The following UNC13C variants were observed in gnomAD, a reference collection of about 807,000 sequenced individuals.
UNC13C encodes the protein protein unc-13 homolog C.
UNC13C carries 174 observed loss-of-function variants against 245.4 expected under a neutral mutation model. The observed-to-expected ratio is 0.71, with a 90% CI of 0.63 to 0.80. UNC13C has a LOEUF of 0.80. Ranked by LOEUF, UNC13C falls within the 30% of genes least tolerant of loss-of-function variation. The pLI is 0.00. For missense variants in UNC13C, 2,829 were observed against 2,602.9 expected (o/e 1.09, Z -1.89); for synonymous variants, 992 against 895.1 (o/e 1.11, Z -1.93).
rs113273918 is a variant in UNC13C, at chr15:54,433,793, T to C, written c.4933+18726T>C. Among the ~76,000 whole-genome samples the C allele has an allele frequency of 7.2e-3, 1,090 of 152,196 alleles. 9 individuals are homozygous for C. The highest frequency in any genetic ancestry group is 0.01 in the Non-Finnish European group (709 of 67,982). The stretch of plus-strand genomic sequence containing the variant: ...CAAATAGGAAGAGAGAAAGTCAAGT[T>C]GTCTCTGCTTGCAGATGACATGATT... On this transcript the variant is annotated intron_variant, in intron 19 of 32. Transcript: ENST00000260323.
intron 17 of UNC13C, among the ~76,000 whole-genome samples, chr15:54,386,249 TG>T (rs1244141216): frequency 6.6e-6 from 1 of 152,196 alleles, no homozygotes; most frequent in Non-Finnish European, 1.5e-5. Flanking sequence ...ATGATGATAA[TG>T]GTATTTGACT....
intron 2 of UNC13C, among the ~76,000 whole-genome samples, chr15:54,047,648 C>T (rs542875634): frequency 2.0e-5 from 3 of 152,168 alleles, no homozygotes; most frequent in South Asian, 2.1e-4. Context: ...TATCCATTCA[C>T]GATAGATATT....
chr15:54,488,837 T>G (rs1403886964), intron 19 of UNC13C, among the ~76,000 whole-genome samples: 2 of 152,328 alleles, frequency 1.3e-5, no homozygotes, highest in African/African-American at 4.8e-5. Context: ...ATTAAATGTT[T>G]TATTTTGTAA....
At chr15:53,934,081 C>G in the UNC13C span, among the ~76,000 whole-genome samples, 1 of 152,222 alleles carries the variant, frequency 6.6e-6, no homozygotes, top group East Asian at 1.9e-4. Context: ...CAGCATATTA[C>G]ATTGCAAGAG....
rs748319447 is a variant in UNC13C, at chr15:54,237,696, TACTAGATATTGCTCATAATATCTA to T, written c.3228+26_3228+49del. ...CCCTAAATAATGAGGAACTGGTAAG[TACTAGATATTGCTCATAATATCTA>T]ACTAGATATTGCTCATAATCACAAG... On this transcript the variant is annotated splice_region_variant and intron_variant, in intron 7 of 32. Transcript: ENST00000260323. The T allele has an allele frequency of 6.9e-6, 11 of 1,600,218 alleles. No homozygotes were observed. The highest frequency in any genetic ancestry group is 3.4e-5 in the Admixed American group (2 of 59,062).
intron 16 of UNC13C, 21 bp downstream of exon 16, chr15:54,333,877 C>T: frequency 6.5e-7 from 1 of 1,550,310 alleles, no homozygotes; most frequent in Non-Finnish European, 8.8e-7. Flanking sequence ...TTATTTCTGT[C>T]ACTGTTTTGT....
chr15:54,303,294 A>T (rs2037636055), intron 13 of UNC13C, among the ~76,000 whole-genome samples: 2 of 152,314 alleles, frequency 1.3e-5, no homozygotes, highest in African/African-American at 2.4e-5. Flanking sequence ...AGCACAATTA[A>T]AATGCAAGTA....
chr15:53,855,638 A>C, the UNC13C span, among the ~76,000 whole-genome samples: 1 of 151,664 alleles, frequency 6.6e-6, no homozygotes, highest in South Asian at 2.1e-4. Flanking sequence ...GCACCCTAGG[A>C]ATGAATGATC....
Position 54,182,437 on chromosome 15 carries a change from A to C in UNC13C, c.3071+38753A>C, listed in dbSNP as rs142349963. ...GATATGCTGTTAAATTCAGTTTGTT[A>C]GTATTTTGTTGAGGGATATTGGTCT... On this transcript the variant is annotated intron_variant, in intron 4 of 32. Coordinates refer to ENST00000260323, the MANE Select transcript of UNC13C (RefSeq NM_001080534.3). Among the ~76,000 whole-genome samples, 548 of 152,074 alleles carry C rather than the reference A, an allele frequency of 3.6e-3. 6 individuals carry two copies. Among genetic ancestry groups the C allele is most frequent in the African/African-American group, 0.013 (537 of 41,542 alleles).
intron 20 of UNC13C, 23 bp downstream of exon 20, chr15:54,494,757 A>G (rs751698325): frequency 1.9e-6 from 3 of 1,603,350 alleles, no homozygotes; most frequent in Non-Finnish European, 2.6e-6. Flanking sequence ...TTTAACACAC[A>G]CACCCTCAGA....
rs374833103 is a variant in UNC13C, at chr15:54,014,658, G to A, written c.1755G>A (p.Glu585=). 6.9e-5 allele frequency: 112 copies of A among 1,613,594 alleles called. 1 individual carries two copies. The highest frequency in any genetic ancestry group is 8.8e-5 in the Non-Finnish European group (104 of 1,179,810). ...CTCTCCTGTCATCTTCGGACCGGGA[G>A]CTATGGCAGAGGAAACAGGAAGGAA... ...GSSLLSSSDR[E]LWQRKQEGTA... Residue 585 remains glutamate, a synonymous_variant, in exon 2 of 33, where the codon GAG becomes GAA. Transcript: ENST00000260323.
intron 19 of UNC13C, among the ~76,000 whole-genome samples, chr15:54,444,439 T>G (rs1161231933): frequency 6.6e-6 from 1 of 151,896 alleles, no homozygotes; most frequent in Non-Finnish European, 1.5e-5. Flanking sequence ...AGTGATCTTT[T>G]GTAGGCATGA....
chr15:54,447,589 G>A (rs1238825966), intron 19 of UNC13C, among the ~76,000 whole-genome samples: 2 of 152,166 alleles, frequency 1.3e-5, no homozygotes, highest in South Asian at 4.1e-4. Flanking sequence ...TCTGATGGTA[G>A]TTTGTATTTC....
At chr15:54,028,431 C>T (rs1190821567) in intron 2 of UNC13C, among the ~76,000 whole-genome samples, 6 of 152,136 alleles carry the variant, frequency 3.9e-5, no homozygotes, top group East Asian at 1.9e-4. Context: ...TAATCCATCA[C>T]GTCTCAGCAT....
chr15:54,599,043 TAATC>T (rs1156918862), intron 30 of UNC13C, among the ~76,000 whole-genome samples: 6 of 152,198 alleles, frequency 3.9e-5, no homozygotes, highest in Admixed American at 6.5e-5. Context: ...TTTCTCATAA[TAATC>T]AAACATTTCA....
chr15:54,024,048 GC>G (rs1309890853), intron 2 of UNC13C, among the ~76,000 whole-genome samples: 2 of 152,156 alleles, frequency 1.3e-5, no homozygotes, highest in Non-Finnish European at 2.9e-5. Flanking sequence ...GCAAAGGATA[GC>G]CTAATCAATT....
intron 4 of UNC13C, among the ~76,000 whole-genome samples, chr15:54,226,214 T>C (rs1596039828): frequency 1.3e-5 from 2 of 152,342 alleles, no homozygotes; most frequent in African/African-American, 4.8e-5. Flanking sequence ...CAGCATTTTA[T>C]TGAGGATTTT....
chr15:54,555,457 G>A lies in UNC13C; in HGVS notation c.5903G>A (p.Arg1968Lys). The change falls in exon 29 of 33, where the codon AGG (arginine) becomes AAG (lysine). Residue 1968 changes from arginine (R) to lysine (K), a missense_variant. Physicochemically the swap from Arg to Lys is conservative, Grantham distance 26. Transcript: ENST00000260323. The stretch of plus-strand genomic sequence containing the variant: ...GAGCACATGATTCGAGAGGATGCCA[G>A]GGGTCTGACGCCAAGACAATGCGCT... Reference protein sequence around the residue: ...LKEHMIREDARGLTPRQCAIM... With the variant: ...LKEHMIREDAKGLTPRQCAIM... 1 of 1,612,384 alleles carries A rather than the reference G, an allele frequency of 6.2e-7. No homozygotes were observed. The highest frequency in any genetic ancestry group is 8.5e-7 in the Non-Finnish European group (1 of 1,179,018).
intron 18 of UNC13C, among the ~76,000 whole-genome samples, chr15:54,398,110 C>T (rs2040108288): frequency 6.6e-6 from 1 of 151,250 alleles, no homozygotes; most frequent in South Asian, 2.1e-4. Flanking sequence ...AATGCTTTAT[C>T]AAGTTGAGGA....
Sources: gnomAD v4.1 joint callset for allele counts (sites outside exome capture counted in the v4.1 genomes callset) on GRCh38, gnomAD v4.1.1 for gene constraint, MANE v1.5 for transcripts, NCBI Gene and HGNC (gene_info 2026-07-23, HGNC 2026-07-21) for gene names.